The following TSPAN17 variants were observed in gnomAD, a reference collection of about 807,000 sequenced individuals.
TSPAN17 encodes the protein tetraspanin 17.
Under a neutral mutation model 40.5 loss-of-function variants are expected in TSPAN17, and 33 were observed. The observed-to-expected ratio is 0.81, with a 90% CI of 0.62 to 1.09. The LOEUF (loss-of-function observed/expected upper bound fraction) is 1.09, where lower values mean the gene tolerates loss of function less well. TSPAN17 is among the 50% of genes least tolerant of loss of function. The pLI, the probability that TSPAN17 is intolerant of heterozygous loss-of-function variation, is 0.00. For missense variants in TSPAN17, 365 were observed against 416.8 expected (o/e 0.88, Z 1.08); for synonymous variants, 166 against 169.4 (o/e 0.98, Z 0.15).
At chr5:176,657,417 T>A (rs1761201570) in intron 8 of TSPAN17, 101 bp from the exon 9 acceptor site, 2 of 1,524,360 alleles carry the variant, frequency 1.3e-6, no homozygotes, top group African/African-American at 2.8e-5. Flanking sequence ...CACTCTTTTC[T>A]ATGAGCTGTA....
intron 4 of TSPAN17, 31 bp downstream of exon 4, chr5:176,652,944 T>C (rs1355436467): frequency 6.2e-7 from 1 of 1,608,838 alleles, no homozygotes; most frequent in Admixed American, 1.7e-5. Context: ...GGGACACCTG[T>C]AGGAGGCGCC....
rs764353386 is a variant in TSPAN17, at chr5:176,651,746, C to T, written c.139-8C>T. On this transcript the variant is annotated splice_region_variant and splice_polypyrimidine_tract_variant and intron_variant, in intron 2 of 8. Coordinates refer to ENST00000508164, the MANE Select transcript of TSPAN17 (RefSeq NM_130465.5). The surrounding 1 kb of genome is among the most constrained non-coding windows in gnomAD (Gnocchi z 4.5). ...GCTCCCCACACCTGCCTCTGCTGCC[C>T]GGCACAGGGCGTTCTCTCGAACATC... 4 of 1,613,972 alleles carry T rather than the reference C, an allele frequency of 2.5e-6. No individual in the cohort carries two copies. Among genetic ancestry groups the T allele is most frequent in the Admixed American group, 3.3e-5 (2 of 60,000 alleles).
Position 176,657,854 on chromosome 5 carries a change from G to A in TSPAN17, c.*156G>A. ...CTCACCTAAGTGCCGCCTGACCCTT[G>A]TACACTAGGAGCTGGCCTCCCACCT... is the stretch of plus-strand genomic sequence containing the variant. On this transcript the variant is annotated 3_prime_UTR_variant, in exon 9 of 9. Transcript: ENST00000508164. 7.4e-7 allele frequency: 1 copy of A among 1,357,692 alleles called. No homozygotes were observed. Among genetic ancestry groups the A allele is most frequent in the Admixed American group, 3.1e-5 (1 of 32,650 alleles). 84.1% of individuals were successfully genotyped at this position (1,357,692 alleles called of 1,614,324 possible). A position where few individuals can be genotyped will look rare whatever the true frequency, so the allele number is the denominator to read the frequency against.
intron 1 of TSPAN17, among the ~76,000 whole-genome samples, chr5:176,648,999 C>T (rs550977947): frequency 2.6e-5 from 4 of 152,184 alleles, no homozygotes; most frequent in East Asian, 1.9e-4. Flanking sequence ...ACCTCAAATA[C>T]CGAGGGGGAG....
chr5:176,652,384 C>A (rs1314460050), intron 3 of TSPAN17, among the ~76,000 whole-genome samples: 1 of 152,154 alleles, frequency 6.6e-6, no homozygotes, highest in African/African-American at 2.4e-5. Flanking sequence ...TCCCTGGAGG[C>A]CGAGGGAGGC....
rs536608817 is a variant in TSPAN17, at chr5:176,651,140, G to C, written c.88-476G>C. Among the ~76,000 whole-genome samples the C allele has an allele frequency of 6.6e-6, 1 of 152,292 alleles. No homozygotes were observed. Among genetic ancestry groups the C allele is most frequent in the South Asian group, 2.1e-4 (1 of 4,824 alleles). On this transcript the variant is annotated intron_variant, in intron 1 of 8. Coordinates refer to ENST00000508164, the MANE Select transcript of TSPAN17 (RefSeq NM_130465.5). The surrounding 1 kb of genome is among the most constrained non-coding windows in gnomAD (Gnocchi z 4.5). ...GGCGGAGGTTAAAGGGGTAGGATGG[G>C]GCTGGGCTGGGGAGGAGTGTTGAGG...
At chr5:176,657,048 A>G in intron 8 of TSPAN17, 92 bp downstream of exon 8, 1 of 1,289,892 alleles carries the variant, frequency 7.8e-7, no homozygotes, top group Non-Finnish European at 1.1e-6. Context: ...CTGACGGGCA[A>G]GGCTGCAGGA....
intron 4 of TSPAN17, 62 bp downstream of exon 4, chr5:176,652,975 G>A (rs1189056787): frequency 2.5e-6 from 4 of 1,570,860 alleles, no homozygotes; most frequent in Non-Finnish European, 3.5e-6. Context: ...ACGAATGAGG[G>A]AGCAAGTTCC....
chr5:176,653,106 T>A (rs895436639), intron 4 of TSPAN17, 193 bp downstream of exon 4: 2 of 570,194 alleles, frequency 3.5e-6, no homozygotes, highest in African/African-American at 3.7e-5. Flanking sequence ...ATTTGCCTAG[T>A]GCCATAGGGC....
intron 1 of TSPAN17, among the ~76,000 whole-genome samples, chr5:176,649,784 G>A (rs980534042): frequency 6.6e-6 from 1 of 152,180 alleles, no homozygotes. Context: ...GGGCCCCGCG[G>A]GGCCGGGCTG....
chr5:176,651,383 G>A lies in TSPAN17; in HGVS notation c.88-233G>A, dbSNP rs1035016765. Among the ~76,000 whole-genome samples the A allele has an allele frequency of 6.6e-6, 1 of 152,184 alleles. No individual in the cohort carries two copies. The highest frequency in any genetic ancestry group is 2.4e-5 in the African/African-American group (1 of 41,430). On this transcript the variant is annotated intron_variant, in intron 1 of 8. Coordinates refer to ENST00000508164, the MANE Select transcript of TSPAN17 (RefSeq NM_130465.5). The surrounding 1 kb of genome is among the most constrained non-coding windows in gnomAD (Gnocchi z 4.5). ...CTCCAATTTGGAGTTCCAGGAAGGGGCCCCTGATGTCCATCCCAAGGCTAG... is the reference window on the plus strand; with the variant it reads ...CTCCAATTTGGAGTTCCAGGAAGGGACCCCTGATGTCCATCCCAAGGCTAG...
intron 1 of TSPAN17, among the ~76,000 whole-genome samples, chr5:176,647,972 G>T (rs1581190467): frequency 6.6e-6 from 1 of 152,182 alleles, no homozygotes; most frequent in Non-Finnish European, 1.5e-5. Flanking sequence ...AGAAAGGGAA[G>T]GTGTTTCCTT....
chr5:176,655,176 C>T (rs776079986), intron 5 of TSPAN17, among the ~76,000 whole-genome samples, 156 bp downstream of exon 5: 9 of 152,286 alleles, frequency 5.9e-5, no homozygotes, highest in African/African-American at 1.4e-4. Flanking sequence ...TGTTGGGGCG[C>T]GGCTGCTTTC....
In TSPAN17 at chr5:176,658,986, C is replaced by G. The variant is rs1311923476; in HGVS notation, c.*1288C>G. On this transcript the variant is annotated 3_prime_UTR_variant, in exon 9 of 9. Transcript: ENST00000508164. ...CTCCTTGGCCCCGCTGGCCAGTGTCCTGGGCCCCTGACAGGCGCTGGCTGT... is the reference window on the plus strand; with the variant it reads ...CTCCTTGGCCCCGCTGGCCAGTGTCGTGGGCCCCTGACAGGCGCTGGCTGT... 1 of 152,316 alleles carries G rather than the reference C, an allele frequency of 6.6e-6. No individual in the cohort carries two copies. The highest frequency in any genetic ancestry group is 1.5e-5 in the Non-Finnish European group (1 of 68,090). 9.4% of individuals were successfully genotyped at this position (152,316 alleles called of 1,614,324 possible).
At chr5:176,657,482 G>A in intron 8 of TSPAN17, 36 bp from the exon 9 acceptor site, 1 of 1,553,018 alleles carries the variant, frequency 6.4e-7, no homozygotes, top group Non-Finnish European at 8.7e-7. Flanking sequence ...CTCTGAAATG[G>A]GTCCAAGAAT....
chr5:176,651,167 CG>C lies in TSPAN17; in HGVS notation c.88-445del. Among the ~76,000 whole-genome samples, 1 of 152,082 alleles carries C rather than the reference CG, an allele frequency of 6.6e-6. No homozygotes were observed. The highest frequency in any genetic ancestry group is 2.4e-5 in the African/African-American group (1 of 41,490). On this transcript the variant is annotated intron_variant, in intron 1 of 8. Coordinates refer to ENST00000508164, the MANE Select transcript of TSPAN17 (RefSeq NM_130465.5). This position sits in a 1 kb window ranked among gnomAD's most constrained non-coding sequence, Gnocchi z 4.5. The stretch of plus-strand genomic sequence containing the variant: ...CTGGGCTGGGGAGGAGTGTTGAGGG[CG>C]GGGCCGCAGTCACACGGCTTTAGGG...
At chr5:176,647,839 G>A (rs28551152) in intron 1 of TSPAN17, 137 bp downstream of exon 1, 12,988 of 830,036 alleles carry the variant, frequency 0.016, 273 homozygotes, top group African/African-American at 0.076. Context: ...CCACACCCAC[G>A]CCCACTTCCA....
intron 3 of TSPAN17, 114 bp downstream of exon 3, chr5:176,652,014 G>A (rs1417233607): frequency 7.1e-6 from 10 of 1,404,354 alleles, no homozygotes; most frequent in East Asian, 4.6e-5. Flanking sequence ...AATCGTCATC[G>A]TTAGATTCAT....
chr5:176,651,611 T>G lies in TSPAN17; in HGVS notation c.88-5T>G. ...GCCCTGAGCTCTTTGTTGCTGCCCT[T>G]GCAGGTGCTGGGAGCCCTGTTCCTG... On this transcript the variant is annotated splice_polypyrimidine_tract_variant and splice_region_variant and intron_variant, in intron 1 of 8. Coordinates refer to ENST00000508164, the MANE Select transcript of TSPAN17 (RefSeq NM_130465.5). This position sits in a 1 kb window ranked among gnomAD's most constrained non-coding sequence, Gnocchi z 4.5. 1.2e-6 allele frequency: 2 copies of G among 1,612,534 alleles called. No homozygotes were observed. The highest frequency in any genetic ancestry group is 1.7e-4 in the Middle Eastern group (1 of 5,950).
Sources: gnomAD v4.1 joint callset for allele counts (sites outside exome capture counted in the v4.1 genomes callset) on GRCh38, gnomAD v4.1.1 for gene constraint, Gnocchi (gnomAD v3.1) non-coding constraint, MANE v1.5 for transcripts, NCBI Gene and HGNC (gene_info 2026-07-23, HGNC 2026-07-21) for gene names.